Variants in MPDZ observed in about 807,000 individuals in gnomAD.
MPDZ encodes the protein multiple PDZ domain crumbs cell polarity complex component, also known as multiple PDZ domain protein.
Under a neutral mutation model 239.1 loss-of-function variants are expected in MPDZ, and 234 were observed. The ratio of observed to expected loss-of-function variants is 0.98; its 90% CI spans 0.88 to 1.09. The LOEUF is 1.09. Among genes scored for constraint, MPDZ ranks in the 50% least tolerant of loss-of-function variants. The pLI is 0.00. For synonymous variants in MPDZ, 1,048 were observed against 881.3 expected (o/e 1.19, Z -3.35); for missense variants, 3,175 against 2,510.0 (o/e 1.26, Z -5.66).
intron 1 of MPDZ, among the ~76,000 whole-genome samples, chr9:13,269,472 C>G (rs1972494154): frequency 6.6e-6 from 1 of 152,050 alleles, no homozygotes; most frequent in Non-Finnish European, 1.5e-5. Context: ...CAATAACATT[C>G]CTGCAAGCTC....
At chr9:13,115,970 A>AAT (rs1563827332) in intron 39 of MPDZ, among the ~76,000 whole-genome samples, 6 of 151,068 alleles carry the variant, frequency 4.0e-5, no homozygotes, top group African/African-American at 1.2e-4. Flanking sequence ...AAAAAAAAAA[A>AAT]AAAGCGAACA....
chr9:13,188,666 G>A (rs762068875), intron 17 of MPDZ, 118 bp downstream of exon 17: 23 of 739,684 alleles, frequency 3.1e-5, no homozygotes, highest in Non-Finnish European at 4.9e-5. Flanking sequence ...TAGTAATCAC[G>A]TTGATGAAAA....
intron 24 of MPDZ, among the ~76,000 whole-genome samples, chr9:13,157,607 G>A (rs1298962651): frequency 6.6e-6 from 1 of 151,820 alleles, no homozygotes; most frequent in Non-Finnish European, 1.5e-5. Context: ...GTGGTAACAA[G>A]GCTATGAGGG....
rs1956844363 is a variant in MPDZ, at chr9:13,205,114, G to C, written c.1475-7C>G. 2 of 1,355,534 alleles carry C rather than the reference G, an allele frequency of 1.5e-6. No homozygotes were observed. The highest frequency in any genetic ancestry group is 1.5e-5 in the African/African-American group (1 of 65,538). 84.0% of individuals were successfully genotyped at this position (1,355,534 alleles called of 1,614,324 possible). A position where few individuals can be genotyped will look rare whatever the true frequency, so the allele number is the denominator to read the frequency against. On this transcript the variant is annotated splice_polypyrimidine_tract_variant and splice_region_variant and intron_variant, in intron 11 of 46. Coordinates refer to ENST00000319217, the MANE Select transcript of MPDZ (RefSeq NM_001378778.1). ...TCATCTTTTTCATAATTTTCTTAAA[G>C]ATAAAAATATTTTAGTAATTTTATC...
At chr9:13,107,633 T>C (rs1941705765) in intron 46 of MPDZ, among the ~76,000 whole-genome samples, 1 of 152,184 alleles carries the variant, frequency 6.6e-6, no homozygotes. Context: ...TAAAACCCAC[T>C]GCTATTTCTT....
intron 22 of MPDZ, among the ~76,000 whole-genome samples, chr9:13,163,402 A>T (rs1009781259): frequency 6.6e-6 from 1 of 152,176 alleles, no homozygotes. Context: ...TAAAAAATTC[A>T]CTTTGGTCTC....
At chr9:13,217,796 C>T (rs1326193405) in intron 8 of MPDZ, among the ~76,000 whole-genome samples, 1 of 151,768 alleles carries the variant, frequency 6.6e-6, no homozygotes, top group African/African-American at 2.4e-5. Flanking sequence ...TTGTGTGTAA[C>T]TCAGGATTAA....
intron 14 of MPDZ, 74 bp downstream of exon 14, chr9:13,193,093 T>C: frequency 3.1e-6 from 4 of 1,296,298 alleles, no homozygotes; most frequent in Non-Finnish European, 4.0e-6. Flanking sequence ...TGAGAATTTA[T>C]TCACCACATT....
At chr9:13,199,646 G>A (rs1163720858) in intron 12 of MPDZ, among the ~76,000 whole-genome samples, 2 of 151,934 alleles carry the variant, frequency 1.3e-5, no homozygotes, top group African/African-American at 4.8e-5. Flanking sequence ...TTTCATATAT[G>A]GCCTTGATTA....
At chr9:13,242,386 C>T (rs553750153) in intron 3 of MPDZ, among the ~76,000 whole-genome samples, 102 of 151,614 alleles carry the variant, frequency 6.7e-4, no homozygotes, top group African/African-American at 1.7e-3. Flanking sequence ...TGAACACGCT[C>T]GGCTAATTTT....
At chr9:13,135,738 T>A (rs1468552258) in intron 31 of MPDZ, 1 of 161,504 alleles carries the variant, frequency 6.2e-6, no homozygotes, top group South Asian at 1.9e-4. Flanking sequence ...TCCATGCCAT[T>A]CCTCACTCCA....
chr9:13,171,373 T>C (rs957251836), intron 21 of MPDZ, among the ~76,000 whole-genome samples: 13 of 152,160 alleles, frequency 8.5e-5, no homozygotes, highest in African/African-American at 3.1e-4. Flanking sequence ...GTAACTCAAG[T>C]ACTGAATGTA....
intron 13 of MPDZ, among the ~76,000 whole-genome samples, chr9:13,195,315 T>C (rs1955508892): frequency 6.6e-6 from 1 of 151,838 alleles, no homozygotes; most frequent in Non-Finnish European, 1.5e-5. Context: ...AACAAAAAGA[T>C]GATTATGGTC....
chr9:13,190,067 T>A, intron 16 of MPDZ, 47 bp downstream of exon 16: 1 of 1,521,950 alleles, frequency 6.6e-7, no homozygotes, highest in South Asian at 1.2e-5. Flanking sequence ...TTTTCTTTGA[T>A]AGCAACAATA....
intron 22 of MPDZ, among the ~76,000 whole-genome samples, chr9:13,164,752 G>A (rs1043798502): frequency 1.3e-5 from 2 of 152,018 alleles, no homozygotes; most frequent in African/African-American, 2.4e-5. Context: ...GAGTAGAGAC[G>A]GTAGTTTTCC....
At chr9:13,119,977 G>T (rs150088285) in intron 38 of MPDZ, 14 of 262,662 alleles carry the variant, frequency 5.3e-5, no homozygotes, top group East Asian at 5.2e-4. Context: ...TTAAGAGTCA[G>T]TCCTTGGATG....
rs775698982 is a variant in MPDZ, at chr9:13,222,336, G to C, written c.644C>G (p.Thr215Ser). 10 of 1,613,018 alleles carry C rather than the reference G, an allele frequency of 6.2e-6. No homozygotes were observed. The highest frequency in any genetic ancestry group is 8.5e-6 in the Non-Finnish European group (10 of 1,179,318). ...GCCTCTGGCAATAACTAGCTGGACAGTATCTTTGGCTTTCTGCAGGATGCT... is the reference window on the plus strand; with the variant it reads ...GCCTCTGGCAATAACTAGCTGGACACTATCTTTGGCTTTCTGCAGGATGCT... ...AISILQKAKD[T>S]VQLVIARGSL... The change falls in exon 6 of 47, where the codon ACT becomes AGT. Residue 215 changes from threonine (T) to serine (S), a missense_variant. Transcript: ENST00000319217.
rs750330799 is a variant in MPDZ, at chr9:13,222,381, A to C, written c.599T>G (p.Ile200Ser). 5 of 1,612,892 alleles carry C rather than the reference A, an allele frequency of 3.1e-6. No homozygotes were observed. The Admixed American group carries it at 8.4e-5, about 27-fold the overall frequency. Reference sequence around the variant, plus strand: ...GATGCTGATAGCCTGCTGATGTGTAATTGTCTGATCAAGAGCCTGTCCATT... The same window carrying C: ...GATGCTGATAGCCTGCTGATGTGTACTTGTCTGATCAAGAGCCTGTCCATT... ...AINGQALDQTITHQQAISILQ... is the reference protein window; with the variant it reads ...AINGQALDQTSTHQQAISILQ... Residue 200 changes from isoleucine (I) to serine (S), a missense_variant, in exon 6 of 47, where the codon ATT (isoleucine) becomes AGT (serine). Physicochemically the swap from Ile to Ser is moderately radical, Grantham distance 142 (BLOSUM62 -2). Transcript: ENST00000319217.
At chr9:13,227,122 T>C (rs1455201447) in intron 3 of MPDZ, among the ~76,000 whole-genome samples, 2 of 152,054 alleles carry the variant, frequency 1.3e-5, no homozygotes, top group Non-Finnish European at 2.9e-5. Context: ...TATCAAAATA[T>C]TTCACAATAT....
Sources: gnomAD v4.1 joint callset for allele counts (sites outside exome capture counted in the v4.1 genomes callset) on GRCh38, gnomAD v4.1.1 for gene constraint, MANE v1.5 for transcripts, NCBI Gene and HGNC (gene_info 2026-07-23, HGNC 2026-07-21) for gene names.